Variants in FGGY observed in about 807,000 individuals in gnomAD.
FGGY encodes FGGY carbohydrate kinase domain-containing protein.
A neutral mutation model predicts 71.3 loss-of-function variants in FGGY; 72 were observed. The ratio of observed to expected loss-of-function variants is 1.01; its 90% confidence interval spans 0.84 to 1.23. FGGY has a LOEUF of 1.23. Among genes scored for constraint, FGGY ranks in the 50% most tolerant of loss-of-function variants. The pLI, the probability that FGGY is intolerant of heterozygous loss-of-function variation, is 0.00. For missense variants in FGGY, 668 were observed against 682.3 expected (o/e 0.98, Z 0.23); for synonymous variants, 251 against 250.3 (o/e 1.00, Z -0.02).
chr1:59,511,130 T>A (rs2094507368), intron 6 of FGGY, among the ~76,000 whole-genome samples: 1 of 152,124 alleles, frequency 6.6e-6, no homozygotes, highest in Non-Finnish European at 1.5e-5. Flanking sequence ...GTTTTCATAT[T>A]CAATTGTAGA....
At chr1:59,669,028 G>T (rs2097351640) in intron 13 of FGGY, among the ~76,000 whole-genome samples, 1 of 151,284 alleles carries the variant, frequency 6.6e-6, no homozygotes, top group Non-Finnish European at 1.5e-5. Flanking sequence ...CAGTCTAAGG[G>T]CAGAACTATT....
intron 4 of FGGY, among the ~76,000 whole-genome samples, chr1:59,348,382 A>G (rs1461507189): frequency 6.6e-6 from 1 of 152,266 alleles, no homozygotes; most frequent in African/African-American, 2.4e-5. Flanking sequence ...TGATATGGCA[A>G]TCTCTGGTCA....
chr1:59,565,876 AAAC>A (rs2095865702), intron 8 of FGGY, among the ~76,000 whole-genome samples: 2 of 152,176 alleles, frequency 1.3e-5, no homozygotes, highest in South Asian at 2.1e-4. Flanking sequence ...CAATAAAAAT[AAAC>A]AACATCACTT....
intron 5 of FGGY, among the ~76,000 whole-genome samples, chr1:59,404,077 C>A (rs555486915): frequency 1.2e-3 from 189 of 152,192 alleles, no homozygotes; most frequent in African/African-American, 4.4e-3. Flanking sequence ...ATACAACTTG[C>A]AAGGGAACTG....
At chr1:59,369,084 T>C (rs903406817) in intron 4 of FGGY, among the ~76,000 whole-genome samples, 3 of 152,168 alleles carry the variant, frequency 2.0e-5, no homozygotes, top group Non-Finnish European at 4.4e-5. Context: ...TGCAGCGCAC[T>C]GTGCGCAAGC....
intron 4 of FGGY, among the ~76,000 whole-genome samples, chr1:59,359,195 T>C (rs905738647): frequency 6.6e-6 from 1 of 152,246 alleles, no homozygotes; most frequent in Non-Finnish European, 1.5e-5. Context: ...ACTTTATTTT[T>C]CTATCATTTT....
intron 7 of FGGY, among the ~76,000 whole-genome samples, chr1:59,516,208 C>T (rs538635168): frequency 1.3e-5 from 2 of 152,124 alleles, no homozygotes; most frequent in African/African-American, 4.8e-5. Flanking sequence ...TTCTACCTTT[C>T]CTATACCCCT....
intron 11 of FGGY, 108 bp downstream of exon 11, chr1:59,638,483 A>C: frequency 1.4e-5 from 19 of 1,315,766 alleles, no homozygotes; most frequent in Non-Finnish European, 1.9e-5. Context: ...AAACAGGCCA[A>C]CAGCCCTCTG....
At chr1:59,640,490 G>T (rs1261007657) in intron 11 of FGGY, among the ~76,000 whole-genome samples, 2 of 152,134 alleles carry the variant, frequency 1.3e-5, no homozygotes, top group Non-Finnish European at 2.9e-5. Flanking sequence ...CTACCTTCAT[G>T]GAGTATGTTT....
At chr1:59,532,291 A>C (rs529719347) in intron 7 of FGGY, among the ~76,000 whole-genome samples, 1 of 152,346 alleles carries the variant, frequency 6.6e-6, no homozygotes, top group South Asian at 2.1e-4. Flanking sequence ...GATCTGAAAA[A>C]TCTATTTATA....
chr1:59,326,025 C>T (rs1184103365), intron 2 of FGGY, among the ~76,000 whole-genome samples: 3 of 152,232 alleles, frequency 2.0e-5, no homozygotes, highest in Admixed American at 2.0e-4. Context: ...AAATCTTAAT[C>T]ATTCCAAAAA....
At chr1:59,655,401 T>A (rs2097209086) in intron 11 of FGGY, among the ~76,000 whole-genome samples, 1 of 152,118 alleles carries the variant, frequency 6.6e-6, no homozygotes, top group Non-Finnish European at 1.5e-5. Flanking sequence ...ATACATTAGG[T>A]ATTTCTCCTA....
chr1:59,524,246 C>G (rs2153653411), intron 7 of FGGY, among the ~76,000 whole-genome samples: 1 of 152,332 alleles, frequency 6.6e-6, no homozygotes, highest in Admixed American at 6.5e-5. Context: ...TTGGCCCTCT[C>G]TGGACCTTGG....
intron 14 of FGGY, among the ~76,000 whole-genome samples, chr1:59,684,718 G>T (rs2153991778): frequency 6.6e-6 from 1 of 152,294 alleles, no homozygotes; most frequent in Non-Finnish European, 1.5e-5. Flanking sequence ...TGGAGCAGCA[G>T]AAAGTAGCCC....
intron 6 of FGGY, among the ~76,000 whole-genome samples, chr1:59,491,103 C>T (rs1390988660): frequency 1.7e-5 from 1 of 59,672 alleles, no homozygotes; most frequent in Non-Finnish European, 3.0e-5. Flanking sequence ...TCCTTCCTTC[C>T]TTCCCTCCTT....
chr1:59,333,835 A>G (rs371371693), intron 2 of FGGY, among the ~76,000 whole-genome samples: 4 of 152,328 alleles, frequency 2.6e-5, no homozygotes, highest in East Asian at 1.9e-4. Flanking sequence ...CTGTAAGTCT[A>G]GATAGATCAG....
At chr1:59,348,976 T>G (rs1247086863) in intron 4 of FGGY, among the ~76,000 whole-genome samples, 1 of 152,254 alleles carries the variant, frequency 6.6e-6, no homozygotes, top group Non-Finnish European at 1.5e-5. Context: ...TATTAACCAG[T>G]TTGAAAACCT....
chr1:59,627,489 T>TATACACAC (rs1469493501), intron 10 of FGGY, among the ~76,000 whole-genome samples: 4 of 92,774 alleles, frequency 4.3e-5, no homozygotes, highest in South Asian at 3.8e-4. Context: ...TATATATATA[T>TATACACAC]ACACACACAC....
intron 7 of FGGY, among the ~76,000 whole-genome samples, chr1:59,546,326 C>G (rs1274845491): frequency 6.8e-6 from 1 of 147,618 alleles, no homozygotes; most frequent in Admixed American, 7.2e-5. Context: ...TGCTTTGAAC[C>G]ATTACGCCCT....
Sources: allele counts gnomAD v4.1 joint callset (sites outside exome capture counted in the v4.1 genomes callset), GRCh38; gene constraint gnomAD v4.1.1; transcripts MANE v1.5; gene names NCBI Gene and HGNC (gene_info 2026-07-23, HGNC 2026-07-21).